The following PRKCE variants were observed in gnomAD, a reference collection of about 807,000 sequenced individuals.
The protein encoded by PRKCE is protein kinase C epsilon type.
A neutral mutation model predicts 85.4 loss-of-function variants in PRKCE; 16 were observed. The ratio of observed to expected loss-of-function variants is 0.19; its 90% confidence interval spans 0.13 to 0.28. The LOEUF is 0.28. Among genes scored for constraint, PRKCE ranks in the 10% least tolerant of loss-of-function variants. PRKCE has a pLI of 1.00. For synonymous variants in PRKCE, 388 were observed against 371.5 expected (o/e 1.04, Z -0.51); for missense variants, 573 against 975.2 (o/e 0.59, Z 5.49).
At chr2:45,663,175 A>G (rs1030779539) in intron 1 of PRKCE, among the ~76,000 whole-genome samples, 1 of 152,230 alleles carries the variant, frequency 6.6e-6, no homozygotes, top group Non-Finnish European at 1.5e-5. Context: ...CGTCTGTTTA[A>G]CCAGATATGT....
intron 1 of PRKCE, among the ~76,000 whole-genome samples, chr2:45,729,515 C>G (rs1029823540): frequency 6.6e-6 from 1 of 152,122 alleles, no homozygotes; most frequent in Non-Finnish European, 1.5e-5. Flanking sequence ...ATTCCTTTTC[C>G]CCCTCCTACA....
intron 6 of PRKCE, among the ~76,000 whole-genome samples, chr2:45,998,735 TG>T (rs1704421969): frequency 6.6e-6 from 1 of 152,236 alleles, no homozygotes; most frequent in African/African-American, 2.4e-5. Flanking sequence ...CCTTATTCTT[TG>T]TTTCTATGTT....
chr2:45,942,379 G>GA (rs1362738742), intron 2 of PRKCE, among the ~76,000 whole-genome samples: 2 of 152,178 alleles, frequency 1.3e-5, no homozygotes, highest in African/African-American at 4.8e-5. Context: ...GTGCAAGTGA[G>GA]AAAAAAATCA....
chr2:45,704,740 A>G (rs868858448), intron 1 of PRKCE, among the ~76,000 whole-genome samples: 1 of 152,154 alleles, frequency 6.6e-6, no homozygotes, highest in Non-Finnish European at 1.5e-5. Flanking sequence ...CCCCTCTAGT[A>G]TTTCAAGGTG....
At chr2:45,680,260 G>A (rs1357086626) in intron 1 of PRKCE, among the ~76,000 whole-genome samples, 1 of 152,190 alleles carries the variant, frequency 6.6e-6, no homozygotes, top group Non-Finnish European at 1.5e-5. Context: ...AATCTTAGGA[G>A]GTCTAGCAGC....
At chr2:46,064,037 T>C (rs769334054) in intron 10 of PRKCE, among the ~76,000 whole-genome samples, 21 of 152,016 alleles carry the variant, frequency 1.4e-4, no homozygotes, top group Non-Finnish European at 2.2e-4. Flanking sequence ...ATCCCAGCAC[T>C]TTGGGAGGCC....
chr2:45,679,097 A>T (rs1037340398), intron 1 of PRKCE, among the ~76,000 whole-genome samples: 3 of 152,188 alleles, frequency 2.0e-5, no homozygotes, highest in African/African-American at 7.2e-5. Flanking sequence ...AGAGAGAGAA[A>T]CACCCTTCTT....
intron 1 of PRKCE, chr2:45,674,706 C>A (rs1676339295): frequency 6.6e-6 from 1 of 152,240 alleles, no homozygotes; most frequent in Admixed American, 6.5e-5. Flanking sequence ...AAAAATAAAA[C>A]TCCAGCTTCT....
At chr2:46,037,497 G>A (rs560635402) in intron 10 of PRKCE, among the ~76,000 whole-genome samples, 104 of 152,316 alleles carry the variant, frequency 6.8e-4, no homozygotes, top group African/African-American at 2.5e-3. Flanking sequence ...AAACTACTCT[G>A]GAGGAGTTCA....
At chr2:45,898,558 C>A (rs1163243456) in intron 2 of PRKCE, among the ~76,000 whole-genome samples, 8 of 152,138 alleles carry the variant, frequency 5.3e-5, no homozygotes, top group Non-Finnish European at 8.8e-5. Context: ...GTCAGATGTC[C>A]CCTGGGCTTT....
intron 2 of PRKCE, among the ~76,000 whole-genome samples, chr2:45,940,943 G>A (rs1440674348): frequency 6.6e-6 from 1 of 151,414 alleles, no homozygotes; most frequent in Non-Finnish European, 1.5e-5. Flanking sequence ...ACAGGTGCCT[G>A]TAATCCCAGC....
intron 1 of PRKCE, among the ~76,000 whole-genome samples, chr2:45,659,870 A>C (rs1312164172): frequency 6.9e-6 from 1 of 145,346 alleles, no homozygotes; most frequent in African/African-American, 2.6e-5. Context: ...TCTTACCTCT[A>C]TCTGATACGC....
chr2:46,058,888 G>A (rs935960014), intron 10 of PRKCE, among the ~76,000 whole-genome samples: 1 of 152,128 alleles, frequency 6.6e-6, no homozygotes, highest in African/African-American at 2.4e-5. Flanking sequence ...TGTTGCTATG[G>A]GATCTTGCCG....
intron 10 of PRKCE, among the ~76,000 whole-genome samples, chr2:46,046,877 A>AG (rs1418614413): frequency 2.6e-5 from 4 of 152,162 alleles, no homozygotes; most frequent in Non-Finnish European, 5.9e-5. Flanking sequence ...TTTCCAGTGT[A>AG]GTCATTGAGT....
At chr2:45,695,031 C>T (rs114336700) in intron 1 of PRKCE, among the ~76,000 whole-genome samples, 1 of 152,262 alleles carries the variant, frequency 6.6e-6, no homozygotes, top group Non-Finnish European at 1.5e-5. Context: ...TGGTCCTGCC[C>T]TCTGCCCCTG....
chr2:45,731,434 C>G (rs1681563879), intron 1 of PRKCE, among the ~76,000 whole-genome samples: 1 of 152,084 alleles, frequency 6.6e-6, no homozygotes, highest in African/African-American at 2.4e-5. Flanking sequence ...AATCATTTGT[C>G]TGGAGGTTTT....
chr2:46,025,599 C>G (rs1041359799), intron 10 of PRKCE, among the ~76,000 whole-genome samples: 1 of 152,198 alleles, frequency 6.6e-6, no homozygotes, highest in Non-Finnish European at 1.5e-5. Context: ...CACATACACG[C>G]TCATGTGCTC....
At chr2:45,894,852 A>G (rs1473205227) in intron 2 of PRKCE, among the ~76,000 whole-genome samples, 2 of 152,256 alleles carry the variant, frequency 1.3e-5, no homozygotes, top group Admixed American at 1.3e-4. Context: ...CCTCCCGAGT[A>G]GTTGGGATTA....
intron 2 of PRKCE, among the ~76,000 whole-genome samples, chr2:45,902,754 G>C (rs1419228267): frequency 2.0e-5 from 3 of 152,216 alleles, no homozygotes; most frequent in Non-Finnish European, 4.4e-5. Context: ...TAACTCAAGG[G>C]TTAGTTATGT....
Sources: gnomAD v4.1 joint callset for allele counts (sites outside exome capture counted in the v4.1 genomes callset) on GRCh38, gnomAD v4.1.1 for gene constraint, MANE v1.5 for transcripts, NCBI Gene and HGNC (gene_info 2026-07-23, HGNC 2026-07-21) for gene names.